The following ARMC9 variants were observed in gnomAD, a reference collection of about 807,000 sequenced individuals.
ARMC9 encodes lisH domain-containing protein ARMC9.
Under a neutral mutation model 107.0 loss-of-function variants are expected in ARMC9, and 94 were observed. The observed-to-expected ratio is 0.88, with a 90% CI of 0.74 to 1.04. The LOEUF (loss-of-function observed/expected upper bound fraction) is 1.04, where lower values mean the gene tolerates loss of function less well. ARMC9 is among the 50% of genes least tolerant of loss of function. The probability of loss-of-function intolerance (pLI) is 0.00; values close to 1 mark genes in which losing one functional copy is unlikely to be tolerated. For synonymous variants in ARMC9, 380 were observed against 396.9 expected, an observed-to-expected ratio of 0.96 and a Z score of 0.51; for missense variants, 942 against 1,030.1, an observed-to-expected ratio of 0.91 and a Z score of 1.17.
At position 231,250,488 on chromosome 2, in the gene ARMC9, T is replaced by G. The variant is rs376196556; in HGVS notation, c.880-6098T>G. Reference sequence around the variant, plus strand: ...GAAAGGAAACATGGCTAGTGCACAGTGTGGAAAATGCTGCCACTCACACTG... The same window carrying G: ...GAAAGGAAACATGGCTAGTGCACAGGGTGGAAAATGCTGCCACTCACACTG... On this transcript the variant is annotated intron_variant, in intron 9 of 24. Coordinates refer to ENST00000611582, the MANE Select transcript of ARMC9 (RefSeq NM_001352754.2). Among the ~76,000 whole-genome samples the G allele has an allele frequency of 2.4e-4, 36 of 152,192 alleles. No homozygotes were observed. In the East Asian group the frequency reaches 4.1e-3, roughly 17 times the overall value.
chr2:231,314,226 T>C (rs1295017748), intron 19 of ARMC9, among the ~76,000 whole-genome samples: 1 of 152,026 alleles, frequency 6.6e-6, no homozygotes, highest in Non-Finnish European at 1.5e-5. Context: ...ATTACAGGCA[T>C]GCGCCACCAT....
At chr2:231,356,593 A>G (rs568731682) in intron 22 of ARMC9, among the ~76,000 whole-genome samples, 10 of 152,222 alleles carry the variant, frequency 6.6e-5, no homozygotes, top group Non-Finnish European at 1.0e-4. Flanking sequence ...AACATCTGAG[A>G]ACTTGCATCT....
intron 9 of ARMC9, among the ~76,000 whole-genome samples, chr2:231,248,729 C>T (rs373930003): frequency 6.6e-6 from 1 of 150,728 alleles, no homozygotes; most frequent in African/African-American, 2.4e-5. Flanking sequence ...ATCGCTTGAA[C>T]CCGGGAGGCG....
chr2:231,251,032 GAGA>G (rs1229093250), intron 9 of ARMC9, among the ~76,000 whole-genome samples: 3 of 152,212 alleles, frequency 2.0e-5, no homozygotes, highest in Non-Finnish European at 4.4e-5. Context: ...GTTCAGAGGA[GAGA>G]AGAAGTCCTG....
rs375577359 is a variant in ARMC9, at chr2:231,372,369, CA to C, written c.*844del. ...GGGTGACAGAGCGAGACTCCGTCCC[CA>C]AAAAAAAAATTCTGAGAATATGGTG... On this transcript the variant is annotated 3_prime_UTR_variant, in exon 25 of 25. Transcript: ENST00000611582. 9 of 149,992 alleles carry C rather than the reference CA, an allele frequency of 6.0e-5. No individual in the cohort carries two copies. The highest frequency in any genetic ancestry group is 3.4e-3 in the Middle Eastern group (1 of 292). The allele number at this position is 149,992 out of a possible 1,614,324, so 9.3% of individuals were successfully genotyped here. A position where few individuals can be genotyped will look rare whatever the true frequency, so the allele number is the denominator to read the frequency against.
chr2:231,344,917 C>T, intron 20 of ARMC9, 58 bp from the exon 21 acceptor site: 2 of 1,560,204 alleles, frequency 1.3e-6, no homozygotes, highest in South Asian at 1.1e-5. Flanking sequence ...TGCTTGACTT[C>T]TAGGTCAGCT....
Position 231,222,715 on chromosome 2 carries a change from C to G in ARMC9, c.505-13C>G, listed in dbSNP as rs779905080. 1.4e-6 allele frequency: 2 copies of G among 1,434,700 alleles called. No individual in the cohort carries two copies. The highest frequency in any genetic ancestry group is 3.6e-5 in the Admixed American group (2 of 55,278). The allele number at this position is 1,434,700 out of a possible 1,614,324, so 88.9% of individuals were successfully genotyped here. A position where few individuals can be genotyped will look rare whatever the true frequency, so the allele number is the denominator to read the frequency against. On this transcript the variant is annotated splice_polypyrimidine_tract_variant and intron_variant, in intron 5 of 24. Transcript: ENST00000611582. ...AATCTAATGTTTGTATTTTTGTTCC[C>G]TTTTTTCTTTAGGATTCCTGGACTC...
intron 1 of ARMC9, among the ~76,000 whole-genome samples, chr2:231,200,518 C>G (rs936323260): frequency 6.6e-6 from 1 of 152,138 alleles, no homozygotes; most frequent in Non-Finnish European, 1.5e-5. Flanking sequence ...ACTAAAAATA[C>G]AAAAATTAGC....
chr2:231,232,607 A>G (rs1375804967), intron 7 of ARMC9, among the ~76,000 whole-genome samples: 2 of 151,440 alleles, frequency 1.3e-5, no homozygotes, highest in Non-Finnish European at 2.9e-5. Context: ...ATGCACCACC[A>G]CACCTGGCTA....
At chr2:231,370,370 C>G (rs1315635634) in intron 24 of ARMC9, among the ~76,000 whole-genome samples, 1 of 152,226 alleles carries the variant, frequency 6.6e-6, no homozygotes, top group Admixed American at 6.5e-5. Context: ...GACTCAAACT[C>G]AAGCTGAGGA....
chr2:231,238,500 C>T (rs2035982639), intron 8 of ARMC9, among the ~76,000 whole-genome samples: 3 of 152,082 alleles, frequency 2.0e-5, no homozygotes, highest in Admixed American at 6.6e-5. Flanking sequence ...CAGGTGTGTG[C>T]CACCATGCCT....
chr2:231,254,840 T>G (rs1044979451), intron 9 of ARMC9, among the ~76,000 whole-genome samples: 10 of 152,142 alleles, frequency 6.6e-5, no homozygotes, highest in African/African-American at 1.7e-4. Flanking sequence ...TTGCTTGCTT[T>G]CTTCTCCTCT....
chr2:231,365,567 G>A (rs1248126927), intron 23 of ARMC9, among the ~76,000 whole-genome samples: 6 of 152,128 alleles, frequency 3.9e-5, no homozygotes, highest in South Asian at 4.1e-4. Context: ...TTATTGCTGC[G>A]GACATTTCAT....
intron 19 of ARMC9, among the ~76,000 whole-genome samples, chr2:231,299,171 T>A (rs537514764): frequency 4.6e-5 from 7 of 152,318 alleles, no homozygotes; most frequent in Non-Finnish European, 1.0e-4. Flanking sequence ...TACGTTTATA[T>A]ACTAAAATTT....
intron 19 of ARMC9, among the ~76,000 whole-genome samples, chr2:231,328,137 G>C (rs1167068489): frequency 6.6e-6 from 1 of 152,078 alleles, no homozygotes; most frequent in Non-Finnish European, 1.5e-5. Flanking sequence ...GTTTTAATTT[G>C]CATTTCCTTA....
intron 24 of ARMC9, 39 bp downstream of exon 24, chr2:231,370,164 C>T: frequency 3.4e-6 from 5 of 1,473,174 alleles, no homozygotes; most frequent in Non-Finnish European, 3.6e-6. Context: ...GGAGCCTGGC[C>T]ACCCGCCAAC....
intron 8 of ARMC9, among the ~76,000 whole-genome samples, chr2:231,238,147 C>G (rs547392517): frequency 2.0e-5 from 3 of 151,890 alleles, no homozygotes; most frequent in Admixed American, 2.0e-4. Flanking sequence ...GCGGTTCTTT[C>G]AAGGACCTTG....
intron 15 of ARMC9, among the ~76,000 whole-genome samples, 189 bp downstream of exon 15, chr2:231,276,964 C>T (rs1370228164): frequency 6.6e-6 from 1 of 152,050 alleles, no homozygotes; most frequent in Non-Finnish European, 1.5e-5. Flanking sequence ...CCATTCTTGC[C>T]CTGGAAAAAA....
chr2:231,219,973 G>T (rs1045204893), intron 5 of ARMC9, among the ~76,000 whole-genome samples: 1 of 152,092 alleles, frequency 6.6e-6, no homozygotes, highest in African/African-American at 2.4e-5. Context: ...TAGACTATAG[G>T]CGTGCGCCAC....
Sources: allele counts gnomAD v4.1 joint callset (sites outside exome capture counted in the v4.1 genomes callset), GRCh38; gene constraint gnomAD v4.1.1; transcripts MANE v1.5; gene names NCBI Gene and HGNC (gene_info 2026-07-23, HGNC 2026-07-21).